EXOC4: variants seen among roughly 807,000 people sequenced by gnomAD.
The protein encoded by EXOC4 is exocyst complex component 4, also known as SEC8-like 1.
EXOC4 carries 71 observed loss-of-function variants against 107.2 expected under a neutral mutation model. The ratio of observed to expected loss-of-function variants is 0.66; its 90% CI spans 0.55 to 0.81. The LOEUF (loss-of-function observed/expected upper bound fraction) is 0.81, where lower values mean the gene tolerates loss of function less well. Ranked by LOEUF, EXOC4 falls within the 30% of genes least tolerant of loss-of-function variation. The pLI, the probability that EXOC4 is intolerant of heterozygous loss-of-function variation, is 0.00. For synonymous variants in EXOC4, 456 were observed against 441.2 expected (o/e 1.03, Z -0.42); for missense variants, 1,108 against 1,189.6 (o/e 0.93, Z 1.01).
At chr7:133,409,759 A>G (rs1208471611) in intron 7 of EXOC4, among the ~76,000 whole-genome samples, 1 of 152,142 alleles carries the variant, frequency 6.6e-6, no homozygotes, top group African/African-American at 2.4e-5. Flanking sequence ...ACTATTGGCC[A>G]GCTTGATAAG....
chr7:133,577,085 A>T (rs962067275), intron 9 of EXOC4, among the ~76,000 whole-genome samples: 1 of 152,186 alleles, frequency 6.6e-6, no homozygotes, highest in Non-Finnish European at 1.5e-5. Context: ...AGTGTGAGTT[A>T]TGATAGACGC....
At chr7:133,544,144 A>G (rs1393766649) in intron 9 of EXOC4, among the ~76,000 whole-genome samples, 1 of 152,160 alleles carries the variant, frequency 6.6e-6, no homozygotes, top group East Asian at 1.9e-4. Flanking sequence ...TTTTCTAAAC[A>G]GAACAAAGAT....
chr7:133,726,379 C>T lies in EXOC4; in HGVS notation c.1515-90946C>T, dbSNP rs181665730. 3.1e-4 allele frequency among the ~76,000 whole-genome samples: 47 copies of T among 152,300 alleles called. No homozygotes were observed. The East Asian group carries it at 6.9e-3, about 22-fold the overall frequency. ...TGCTGCCTGGTACGTAATAGGCACA[C>T]GTATGTGTGCTGAGTCAATGAATAA... On this transcript the variant is annotated intron_variant, in intron 10 of 17. Coordinates refer to ENST00000253861, the MANE Select transcript of EXOC4 (RefSeq NM_021807.4).
chr7:133,782,904 C>A (rs565456012), intron 10 of EXOC4, among the ~76,000 whole-genome samples: 1 of 152,174 alleles, frequency 6.6e-6, no homozygotes, highest in Non-Finnish European at 1.5e-5. Flanking sequence ...TATGGTCACT[C>A]GCCCAGGCCA....
At chr7:133,697,182 TAAAGAG>T (rs1167706823) in intron 10 of EXOC4, among the ~76,000 whole-genome samples, 1 of 152,192 alleles carries the variant, frequency 6.6e-6, no homozygotes, top group Non-Finnish European at 1.5e-5. Flanking sequence ...TGCTTCAAGA[TAAAGAG>T]ATTGTCCTTT....
intron 10 of EXOC4, among the ~76,000 whole-genome samples, chr7:133,803,819 A>G (rs974078282): frequency 1.3e-5 from 2 of 152,218 alleles, no homozygotes; most frequent in African/African-American, 4.8e-5. Context: ...GGAAATACTA[A>G]AAGTCTTTAA....
intron 9 of EXOC4, among the ~76,000 whole-genome samples, chr7:133,558,189 C>T (rs1273410108): frequency 2.6e-5 from 3 of 114,362 alleles, no homozygotes; most frequent in East Asian, 2.4e-4. Flanking sequence ...TTGGTTCCTT[C>T]TCTTTTCTTT....
intron 5 of EXOC4, among the ~76,000 whole-genome samples, chr7:133,331,972 G>T (rs1795405741): frequency 6.6e-6 from 1 of 152,202 alleles, no homozygotes; most frequent in Non-Finnish European, 1.5e-5. Flanking sequence ...AACTTAGGTA[G>T]AAGGATGGGA....
chr7:133,547,124 G>A (rs1165925443), intron 9 of EXOC4, among the ~76,000 whole-genome samples: 1 of 152,118 alleles, frequency 6.6e-6, no homozygotes, highest in Non-Finnish European at 1.5e-5. Context: ...AGGTATTCCA[G>A]GTTCAGTTCC....
intron 12 of EXOC4, among the ~76,000 whole-genome samples, chr7:133,913,846 G>A (rs2116618337): frequency 6.6e-6 from 1 of 152,316 alleles, no homozygotes; most frequent in East Asian, 1.9e-4. Context: ...GACTGCCCAA[G>A]TCAGCAATGC....
intron 17 of EXOC4, among the ~76,000 whole-genome samples, chr7:134,019,540 T>A (rs576414345): frequency 3.3e-5 from 5 of 152,234 alleles, no homozygotes; most frequent in Non-Finnish European, 5.9e-5. Flanking sequence ...TTACCTACAT[T>A]GGTTCACTGA....
chr7:133,451,378 G>T (rs1395773668), intron 7 of EXOC4, among the ~76,000 whole-genome samples: 2 of 151,972 alleles, frequency 1.3e-5, no homozygotes, highest in African/African-American at 4.8e-5. Context: ...GTAATTTAGG[G>T]CAGTATCCTC....
intron 11 of EXOC4, among the ~76,000 whole-genome samples, chr7:133,849,648 A>T (rs898340339): frequency 4.6e-5 from 7 of 152,228 alleles, no homozygotes; most frequent in African/African-American, 1.7e-4. Flanking sequence ...CACTATTCTT[A>T]TCACAATTTA....
At chr7:133,810,044 A>G (rs1797180544) in intron 10 of EXOC4, among the ~76,000 whole-genome samples, 1 of 152,248 alleles carries the variant, frequency 6.6e-6, no homozygotes, top group African/African-American at 2.4e-5. Flanking sequence ...CAGAAGGCAC[A>G]TGATGTCCAT....
chr7:133,349,547 A>T (rs1422478454), intron 5 of EXOC4, among the ~76,000 whole-genome samples: 1 of 152,146 alleles, frequency 6.6e-6, no homozygotes, highest in Non-Finnish European at 1.5e-5. Context: ...CATTTTGCTT[A>T]TCCATTCGTG....
At chr7:133,763,247 T>C (rs1019452117) in intron 10 of EXOC4, among the ~76,000 whole-genome samples, 2 of 152,074 alleles carry the variant, frequency 1.3e-5, no homozygotes, top group African/African-American at 4.8e-5. Flanking sequence ...CTCTTACCAA[T>C]GGTCGTTGGA....
chr7:134,011,785 TAAAA>T (rs58603369), intron 17 of EXOC4, among the ~76,000 whole-genome samples: 2 of 138,268 alleles, frequency 1.4e-5, no homozygotes, highest in African/African-American at 2.6e-5. Context: ...ATGCTGTAGT[TAAAA>T]AAAAAAAAAA....
intron 17 of EXOC4, among the ~76,000 whole-genome samples, chr7:134,012,893 G>A (rs897341921): frequency 1.3e-5 from 2 of 152,178 alleles, no homozygotes; most frequent in Admixed American, 1.3e-4. Flanking sequence ...CAAGGGAAGT[G>A]TTTTAAGAGA....
chr7:133,623,513 G>T lies in EXOC4; in HGVS notation c.1418-6532G>T, dbSNP rs115605498. 5.7e-3 allele frequency among the ~76,000 whole-genome samples: 871 copies of T among 152,184 alleles called. 12 individuals are homozygous for T. Among genetic ancestry groups the T allele is most frequent in the African/African-American group, 0.019 (806 of 41,516 alleles). On this transcript the variant is annotated intron_variant, in intron 9 of 17. Transcript: ENST00000253861. The stretch of plus-strand genomic sequence containing the variant: ...TATGTACTGTGTGCTTATTCCCCGG[G>T]AGAAACTATCTTAGGCACAAAGAAT...
Sources: allele counts gnomAD v4.1 joint callset (sites outside exome capture counted in the v4.1 genomes callset), GRCh38; gene constraint gnomAD v4.1.1; transcripts MANE v1.5; gene names NCBI Gene and HGNC (gene_info 2026-07-23, HGNC 2026-07-21).